Variants in ZNF536 observed in about 807,000 individuals in gnomAD.
ZNF536 encodes the protein zinc finger protein 536.
Under a neutral mutation model 84.5 loss-of-function variants are expected in ZNF536, and 13 were observed. The observed-to-expected ratio is 0.15, with a 90% CI of 0.10 to 0.24. The LOEUF (loss-of-function observed/expected upper bound fraction) is 0.24, where lower values mean the gene tolerates loss of function less well. Ranked by LOEUF, ZNF536 falls within the 10% of genes least tolerant of loss-of-function variation. The pLI, the probability that ZNF536 is intolerant of heterozygous loss-of-function variation, is 1.00. For synonymous variants in ZNF536, 811 were observed against 742.5 expected, an observed-to-expected ratio of 1.09 and a Z score of -1.50; for missense variants, 1,536 against 1,747.5, an observed-to-expected ratio of 0.88 and a Z score of 2.16.
upstream of ZNF536, among the ~76,000 whole-genome samples, chr19:30,227,627 T>C (rs1378458590): frequency 6.7e-6 from 1 of 149,724 alleles, no homozygotes; most frequent in African/African-American, 2.4e-5. Flanking sequence ...CTGGGTCGTG[T>C]GCGCGGGTGG....
At chr19:30,467,885 G>C (rs2053480973) in intron 2 of ZNF536, among the ~76,000 whole-genome samples, 1 of 152,238 alleles carries the variant, frequency 6.6e-6, no homozygotes, top group Non-Finnish European at 1.5e-5. Context: ...CCCTGGTATA[G>C]CTCCCTCTCC....
rs539898747 is a variant in ZNF536, at chr19:30,556,918, A to T, written c.3896-239A>T. On this transcript the variant is annotated intron_variant, in intron 4 of 4. Coordinates refer to ENST00000355537, the MANE Select transcript of ZNF536 (RefSeq NM_014717.3). ...AAAGCCCAGGGTTCAAATAAGCAGT[A>T]ATTATCTCCTATTACTTAGTGCTGA... The T allele has an allele frequency of 1.2e-3, 561 of 455,848 alleles. 6 individuals are homozygous for T. The highest frequency in any genetic ancestry group is 2.6e-4 in the Non-Finnish European group (68 of 257,964). The allele number at this position is 455,848 out of a possible 1,614,324, so 28.2% of individuals were successfully genotyped here.
chr19:30,466,663 T>C (rs1238276042), intron 2 of ZNF536, among the ~76,000 whole-genome samples: 1 of 114,044 alleles, frequency 8.8e-6, no homozygotes, highest in African/African-American at 5.1e-5. Flanking sequence ...TGAGATGGAG[T>C]TTTGCTCTGT....
intron 1 of ZNF536, among the ~76,000 whole-genome samples, chr19:30,429,035 G>A (rs1426896493): frequency 6.6e-6 from 1 of 152,184 alleles, no homozygotes; most frequent in African/African-American, 2.4e-5. Context: ...GGGCACCTGA[G>A]GCCACATGGC....
At chr19:30,391,147 G>A (rs1390505320) in intron 1 of ZNF536, among the ~76,000 whole-genome samples, 3 of 152,126 alleles carry the variant, frequency 2.0e-5, no homozygotes, top group East Asian at 3.9e-4. Context: ...CTCCCAACAC[G>A]GCCAAATCAC....
At chr19:30,574,367 G>T (rs373051312) in intron 1 of ZNF536, among the ~76,000 whole-genome samples, 11 of 152,354 alleles carry the variant, frequency 7.2e-5, no homozygotes, top group African/African-American at 2.4e-4. Flanking sequence ...CCTCTGCAAA[G>T]AAAGGCCCAG....
At chr19:30,319,265 G>A (rs2046780523) in intron 2 of ZNF536, among the ~76,000 whole-genome samples, 1 of 152,220 alleles carries the variant, frequency 6.6e-6, no homozygotes, top group Non-Finnish European at 1.5e-5. Flanking sequence ...GCAGGAACAT[G>A]CTGGAATGAT....
chr19:30,315,912 A>T (rs900832615), intron 2 of ZNF536, among the ~76,000 whole-genome samples: 1 of 152,202 alleles, frequency 6.6e-6, no homozygotes, highest in Non-Finnish European at 1.5e-5. Flanking sequence ...CTTTTTTTAA[A>T]AAAAACAGTA....
At chr19:30,240,040 C>T (rs2023824168) in intron 1 of ZNF536, among the ~76,000 whole-genome samples, 1 of 152,102 alleles carries the variant, frequency 6.6e-6, no homozygotes, top group Admixed American at 6.5e-5. Context: ...TTAACCCAAA[C>T]CAGATGCAAA....
At chr19:30,508,947 C>A (rs1238612010) in intron 2 of ZNF536, among the ~76,000 whole-genome samples, 2 of 148,308 alleles carry the variant, frequency 1.3e-5, no homozygotes, top group Non-Finnish European at 3.0e-5. Flanking sequence ...CCCACCTTAA[C>A]CTCCCAAGTA....
intron 1 of ZNF536, among the ~76,000 whole-genome samples, chr19:30,697,202 G>C (rs577156573): frequency 6.6e-6 from 1 of 152,230 alleles, no homozygotes; most frequent in Non-Finnish European, 1.5e-5. Context: ...ACTATCAAGA[G>C]AACAGCATGG....
At chr19:30,374,104 C>T (rs764907311) in intron 1 of ZNF536, among the ~76,000 whole-genome samples, 2 of 152,164 alleles carry the variant, frequency 1.3e-5, no homozygotes, top group East Asian at 1.9e-4. Context: ...CGCCTGAGTC[C>T]GTAACTCCAA....
At chr19:30,390,967 C>T (rs898777664) in intron 1 of ZNF536, among the ~76,000 whole-genome samples, 5 of 152,210 alleles carry the variant, frequency 3.3e-5, no homozygotes, top group Non-Finnish European at 4.4e-5. Context: ...TCGGGGGCTA[C>T]GTGCCCTTGA....
intron 3 of ZNF536, among the ~76,000 whole-genome samples, chr19:30,358,917 A>G (rs1222507524): frequency 1.3e-5 from 2 of 152,194 alleles, no homozygotes; most frequent in Admixed American, 6.5e-5. Context: ...TGACCTGGGC[A>G]GGTCTCTTCA....
chr19:30,235,827 T>G (rs1336452035), intron 1 of ZNF536, among the ~76,000 whole-genome samples: 4 of 152,368 alleles, frequency 2.6e-5, no homozygotes, highest in African/African-American at 9.6e-5. Context: ...CTTTAATTAT[T>G]TTGCTTCCCC....
At chr19:30,400,561 G>C (rs1381388093) in intron 1 of ZNF536, among the ~76,000 whole-genome samples, 2 of 152,110 alleles carry the variant, frequency 1.3e-5, no homozygotes, top group East Asian at 3.9e-4. Context: ...TGAGTTTTGA[G>C]GGGTTTTGTT....
chr19:30,447,837 A>C (rs145601712), intron 2 of ZNF536, among the ~76,000 whole-genome samples: 1 of 152,322 alleles, frequency 6.6e-6, no homozygotes, highest in African/African-American at 2.4e-5. Flanking sequence ...GTTAACATTG[A>C]CAGATTTCCA....
chr19:30,301,399 C>T (rs989250628), intron 2 of ZNF536, among the ~76,000 whole-genome samples: 4 of 152,112 alleles, frequency 2.6e-5, no homozygotes, highest in Non-Finnish European at 5.9e-5. Flanking sequence ...CTGTAAAGGG[C>T]GACAGAAGGG....
chr19:30,617,467 C>T (rs1244159114), intron 1 of ZNF536, among the ~76,000 whole-genome samples: 1 of 149,268 alleles, frequency 6.7e-6, no homozygotes, highest in Non-Finnish European at 1.5e-5. Flanking sequence ...TCTCCTGCCT[C>T]AGCCTCCCAA....
Sources: allele counts gnomAD v4.1 joint callset (sites outside exome capture counted in the v4.1 genomes callset), GRCh38; gene constraint gnomAD v4.1.1; transcripts MANE v1.5; gene names NCBI Gene and HGNC (gene_info 2026-07-23, HGNC 2026-07-21).